XG: variants seen among roughly 807,000 people sequenced by gnomAD.
The protein encoded by XG is Xg glycoprotein (Xg blood group).
Under a neutral mutation model 25.7 loss-of-function variants are expected in XG, and 24 were observed. The observed-to-expected ratio is 0.93, with a 90% confidence interval of 0.68 to 1.31. XG has a LOEUF of 1.31. Among genes scored for constraint, XG ranks in the 40% most tolerant of loss-of-function variants. The pLI, the probability that XG is intolerant of heterozygous loss-of-function variation, is 0.00. For missense variants in XG, 181 were observed against 187.6 expected (o/e 0.96, Z 0.21); for synonymous variants, 77 against 69.2 (o/e 1.11, Z -0.56).
chrX:2,770,876 C>T (rs1388391070), intron 2 of XG, among the ~76,000 whole-genome samples: 1 of 152,014 alleles, frequency 6.6e-6, no homozygotes, highest in Non-Finnish European at 1.5e-5. Flanking sequence ...ATGGGAGTCT[C>T]GTTCTGATGC....
At chrX:2,807,234 T>C (rs373056780) in intron 8 of XG, among the ~76,000 whole-genome samples, 116 of 113,112 alleles carry the variant, frequency 1.0e-3, no homozygotes, top group African/African-American at 3.6e-3. Context: ...TGTGCTTGGG[T>C]TGCATGTGCA....
rs189398504 is a variant in XG at position 2,794,783 on chromosome X, C to T, written c.322+180C>T. ...TGGCCGCATCAGTGGGGTTTGCGGT[C>T]TGGGCATCTGTCCGCCTCTCCAGGC... is the stretch of plus-strand genomic sequence containing the variant. On this transcript the variant is annotated intron_variant, in intron 6 of 10. Transcript: ENST00000644266. 2.1e-4 allele frequency among the ~76,000 whole-genome samples: 24 copies of T among 112,019 alleles called. 1 individual carries two copies. In the South Asian group the frequency reaches 4.1e-3, roughly 19 times the overall value.
Position 2,811,367 on chromosome X carries a change from C to A in XG, c.486C>A (p.Ile162=), listed in dbSNP as rs767752101. The A allele has an allele frequency of 2.2e-4, 263 of 1,205,908 alleles. 1 individual carries two copies. The South Asian group carries it at 4.2e-3, about 19-fold the overall frequency. Residue 162 remains isoleucine, a synonymous_variant, in exon 10 of 11, where the codon ATC becomes ATA. Transcript: ENST00000644266. ...TGGTAGCAAAAATCGTGTCTCCCAT[C>A]GTATCCGTGGTGGTGGTGACACTGC... ...GNMVAKIVSP[I]VSVVVVTLLG... is the part of the protein sequence containing the mutation.
At chrX:2,764,745 A>G (rs1245051876) in intron 1 of XG, among the ~76,000 whole-genome samples, 1 of 152,128 alleles carries the variant, frequency 6.6e-6, no homozygotes, top group African/African-American at 2.4e-5. Context: ...TCCGATGTAA[A>G]GAAATAAAAA....
intron 4 of XG, among the ~76,000 whole-genome samples, chrX:2,785,130 G>A (rs181752870): frequency 2.7e-5 from 3 of 112,121 alleles, no homozygotes; most frequent in Non-Finnish European, 5.6e-5. Context: ...AGGAAGATAC[G>A]AGACAACTAG....
chrX:2,770,918 T>C (rs2857322), intron 2 of XG, among the ~76,000 whole-genome samples: 33,739 of 151,972 alleles, frequency 0.22, 3,960 homozygotes, highest in East Asian at 0.37. Flanking sequence ...CAATCATAGC[T>C]TACCACATAG....
intron 4 of XG, among the ~76,000 whole-genome samples, chrX:2,784,001 CAAACA>C (rs757547171): frequency 2.4e-4 from 26 of 109,214 alleles, no homozygotes; most frequent in East Asian, 2.3e-3. Flanking sequence ...CAAACCAAAC[CAAACA>C]AAACAAAACC....
intron 1 of XG, among the ~76,000 whole-genome samples, chrX:2,761,913 G>A (rs746939691): frequency 7.0e-4 from 107 of 152,294 alleles, no homozygotes; most frequent in Non-Finnish European, 1.3e-3. Flanking sequence ...GGATTGCATT[G>A]TAACAACTCT....
In XG at chrX:2,787,524, C is replaced by T. The variant is rs1423810174; in HGVS notation, c.191-2120C>T. On this transcript the variant is annotated intron_variant, in intron 4 of 10. Transcript: ENST00000644266. ...CGGGCAGTGCCTTCTGGCCTGGAAACCAAAGCTCCCTTGTGTCCAGTCCCC... is the reference window on the plus strand; with the variant it reads ...CGGGCAGTGCCTTCTGGCCTGGAAATCAAAGCTCCCTTGTGTCCAGTCCCC... 2.7e-5 allele frequency among the ~76,000 whole-genome samples: 3 copies of T among 111,519 alleles called. No homozygotes were observed. The Admixed American group carries it at 2.9e-4, about 11-fold the overall frequency.
intron 1 of XG, among the ~76,000 whole-genome samples, chrX:2,752,551 G>T (rs312237): frequency 0.42 from 64,278 of 151,812 alleles, 13,801 homozygotes; most frequent in African/African-American, 0.49. Flanking sequence ...AGAAGGGCAG[G>T]ATGTTAGCTG....
chrX:2,791,191 A>G (rs760205832), intron 5 of XG, among the ~76,000 whole-genome samples: 2 of 110,632 alleles, frequency 1.8e-5, no homozygotes, highest in South Asian at 3.9e-4. Flanking sequence ...AACGTGAGAC[A>G]CTCAGGAAAG....
rs2087104434 is a variant in XG, at chrX:2,816,390, T to C, written c.*2010T>C. 1 of 112,157 alleles carries C rather than the reference T, an allele frequency of 8.9e-6. No individual in the cohort carries two copies. Among genetic ancestry groups the C allele is most frequent in the Non-Finnish European group, 1.9e-5 (1 of 53,256 alleles). The allele number at this position is 112,157 out of a possible 1,213,427, so 9.2% of individuals were successfully genotyped here. A position where few individuals can be genotyped will look rare whatever the true frequency, so the allele number is the denominator to read the frequency against. ...CTGTATGTGAGTTTGCTTCTGGCTC[T>C]GCCATTACTGAGACAGCAGGACCAA... On this transcript the variant is annotated 3_prime_UTR_variant, in exon 11 of 11. Transcript: ENST00000644266.
chrX:2,765,494 C>T (rs945076745), intron 1 of XG, among the ~76,000 whole-genome samples: 8 of 152,142 alleles, frequency 5.3e-5, no homozygotes, highest in Non-Finnish European at 1.0e-4. Flanking sequence ...AACAGAAGAG[C>T]CTGTCTGAAT....
chrX:2,802,347 G>C lies in XG; in HGVS notation c.374-4354G>C, dbSNP rs138669265. Reference sequence around the variant, plus strand: ...TTTTTAAAAAATTTTTGTAGAGATGGGGTCTCACTATATTGCTCAGGCTGG... The same window carrying C: ...TTTTTAAAAAATTTTTGTAGAGATGCGGTCTCACTATATTGCTCAGGCTGG... On this transcript the variant is annotated intron_variant, in intron 7 of 10. Coordinates refer to ENST00000644266, the MANE Select transcript of XG (RefSeq NM_001141919.2). Among the ~76,000 whole-genome samples the C allele has an allele frequency of 3.5e-3, 383 of 110,350 alleles. 3 individuals are homozygous for C. Among genetic ancestry groups the C allele is most frequent in the African/African-American group, 0.012 (375 of 30,268 alleles).
At chrX:2,766,725 C>T (rs311138) in intron 1 of XG, among the ~76,000 whole-genome samples, 15,247 of 151,076 alleles carry the variant, frequency 0.1, 779 homozygotes, top group Non-Finnish European at 0.13. Context: ...CCACCACACC[C>T]GGCTAATTTT....
rs2086867551 is a variant in XG, at chrX:2,794,634, A to G, written c.322+31A>G. 5.0e-6 allele frequency: 6 copies of G among 1,201,071 alleles called. No individual in the cohort carries two copies. The African/African-American group carries it at 7.0e-5, about 14-fold the overall frequency. ...TGCCGAGCCTCCCCAGATGCGACAC[A>G]TTGAATTTGCACAGAGAGGGTGGGA... On this transcript the variant is annotated intron_variant, in intron 6 of 10. Coordinates refer to ENST00000644266, the MANE Select transcript of XG (RefSeq NM_001141919.2).
intron 2 of XG, among the ~76,000 whole-genome samples, chrX:2,772,939 G>A (rs1381831056): frequency 6.6e-6 from 1 of 152,164 alleles, no homozygotes; most frequent in African/African-American, 2.4e-5. Flanking sequence ...TCACCTGCAT[G>A]GCGACTGTGG....
Position 2,811,432 on chromosome X carries a change from G to T in XG, c.551G>T (p.Arg184Ile), listed in dbSNP as rs768833152. Residue 184 changes from arginine (R) to isoleucine (I), a missense_variant, in exon 10 of 11, where the codon AGA (arginine) becomes ATA (isoleucine). By Grantham distance (97) the Arg-to-Ile change is moderately conservative. Coordinates refer to ENST00000644266, the MANE Select transcript of XG (RefSeq NM_001141919.2). Reference protein sequence around the residue: ...AASYFKLNNRRNCFRTHEPEN... With the variant: ...AASYFKLNNRINCFRTHEPEN... ...AGTTATTTCAAACTAAACAATAGGA[G>T]AAATTGTTTCAGGACCCATGGTAAG... 47 of 1,200,456 alleles carry T rather than the reference G, an allele frequency of 3.9e-5. No homozygotes were observed. Among genetic ancestry groups the T allele is most frequent in the Non-Finnish European group, 4.9e-5 (44 of 890,025 alleles).
At chrX:2,786,757 C>A (rs1240131124) in intron 4 of XG, among the ~76,000 whole-genome samples, 1 of 111,015 alleles carries the variant, frequency 9.0e-6, no homozygotes, top group Non-Finnish European at 1.9e-5. Flanking sequence ...TAGGGTGGGT[C>A]CGGATCCAAT....
Sources: gnomAD v4.1 joint callset for allele counts (sites outside exome capture counted in the v4.1 genomes callset) on GRCh38, gnomAD v4.1.1 for gene constraint, MANE v1.5 for transcripts, NCBI Gene and HGNC (gene_info 2026-07-23, HGNC 2026-07-21) for gene names.